CCDC73: variants seen among roughly 807,000 people sequenced by gnomAD.
CCDC73 encodes the protein coiled-coil domain-containing protein 73.
Under a neutral mutation model 116.5 loss-of-function variants are expected in CCDC73, and 95 were observed. The observed-to-expected ratio is 0.82, with a 90% confidence interval of 0.69 to 0.97. CCDC73 has a LOEUF of 0.97. CCDC73 is among the 50% of genes least tolerant of loss of function. The pLI, the probability that CCDC73 is intolerant of heterozygous loss-of-function variation, is 0.00. For missense variants in CCDC73, 1,066 were observed against 1,206.8 expected, an observed-to-expected ratio of 0.88 and a Z score of 1.73; for synonymous variants, 398 against 401.3, an observed-to-expected ratio of 0.99 and a Z score of 0.10.
chr11:32,685,621 G>C (rs553820235), intron 6 of CCDC73, among the ~76,000 whole-genome samples: 1 of 151,852 alleles, frequency 6.6e-6, no homozygotes, highest in African/African-American at 2.4e-5. Context: ...AATCATTGTA[G>C]ACCTCGTTAT....
chr11:32,775,745 G>T (rs1025716416), intron 1 of CCDC73, among the ~76,000 whole-genome samples: 1 of 152,010 alleles, frequency 6.6e-6, no homozygotes, highest in Non-Finnish European at 1.5e-5. Context: ...CTGTTAATAG[G>T]TAGCTATGTT....
chr11:32,819,637 A>T, the CCDC73 span, among the ~76,000 whole-genome samples: 13 of 151,980 alleles, frequency 8.6e-5, no homozygotes, highest in Admixed American at 8.5e-4. Flanking sequence ...TAATTTTTGT[A>T]TTTTGTAGAG....
intron 14 of CCDC73, among the ~76,000 whole-genome samples, chr11:32,629,933 AAC>A (rs1565061079): frequency 2.7e-5 from 4 of 148,732 alleles, no homozygotes; most frequent in Non-Finnish European, 5.9e-5. Context: ...AAAAAAAAAA[AAC>A]AAAAAAAAAA....
intron 2 of CCDC73, among the ~76,000 whole-genome samples, chr11:32,720,787 T>C (rs544323125): frequency 9.2e-5 from 14 of 152,222 alleles, no homozygotes; most frequent in African/African-American, 3.1e-4. Context: ...AAGAGAGTAA[T>C]TATCTCTTGG....
chr11:32,649,756 CTATCCTT>C (rs1173400384), intron 12 of CCDC73, among the ~76,000 whole-genome samples: 1 of 152,114 alleles, frequency 6.6e-6, no homozygotes, highest in African/African-American at 2.4e-5. Context: ...TTATAAAGGA[CTATCCTT>C]TATCCTGAGA....
chr11:32,785,206 T>C (rs1850617505), intron 1 of CCDC73, among the ~76,000 whole-genome samples: 1 of 151,980 alleles, frequency 6.6e-6, no homozygotes, highest in African/African-American at 2.4e-5. Context: ...TAAACTAGAA[T>C]AGACCAGCAA....
At chr11:32,678,702 G>A (rs1291542396) in intron 7 of CCDC73, among the ~76,000 whole-genome samples, 4 of 151,852 alleles carry the variant, frequency 2.6e-5, no homozygotes, top group Non-Finnish European at 5.9e-5. Context: ...TGGCCAACAT[G>A]GTGAAACCTG....
chr11:32,676,103 G>A, intron 7 of CCDC73, 82 bp from the exon 8 acceptor site: 5 of 1,138,318 alleles, frequency 4.4e-6, no homozygotes, highest in Non-Finnish European at 3.6e-6. Context: ...AATATATTGT[G>A]GTAAACCACT....
rs531967562 is a variant in CCDC73, at chr11:32,718,528, T to C, written c.136-381A>G. On this transcript the variant is annotated intron_variant, in intron 2 of 17. Transcript: ENST00000335185. ...TTTGTACTTTCTAGCAGGCTTTTCT[T>C]CTAGGAAACCCACCAGGTGCTTACA... 3.3e-5 allele frequency among the ~76,000 whole-genome samples: 5 copies of C among 152,326 alleles called. No homozygotes were observed. In the East Asian group the frequency reaches 9.7e-4, roughly 29 times the overall value.
chr11:32,718,128 T>C lies in CCDC73; in HGVS notation c.155A>G (p.Glu52Gly). The C allele has an allele frequency of 6.2e-7, 1 of 1,604,792 alleles. No individual in the cohort carries two copies. Among genetic ancestry groups the C allele is most frequent in the Non-Finnish European group, 8.5e-7 (1 of 1,176,600 alleles). The change falls in exon 3 of 18, where the codon GAA becomes GGA. Residue 52 changes from glutamate to glycine, a missense_variant. By Grantham distance (98) the Glu-to-Gly change is moderately conservative (BLOSUM62 -2). Transcript: ENST00000335185. ...CACAATAATTTTACCAATCTGCTCT[T>C]CATAATGAATTTCTGCTTCCTAAGT... ...RMRREAEIHY[E>G]EQIGKIIVET...
chr11:32,706,692 C>T (rs926050635), intron 3 of CCDC73, among the ~76,000 whole-genome samples: 22 of 152,178 alleles, frequency 1.4e-4, no homozygotes, highest in Non-Finnish European at 2.8e-4. Context: ...TAACCTCTCT[C>T]TTGAAGCCAA....
intron 7 of CCDC73, 135 bp downstream of exon 7, chr11:32,683,401 A>G: frequency 1.5e-6 from 1 of 667,070 alleles, no homozygotes; most frequent in Non-Finnish European, 2.7e-6. Flanking sequence ...ATCCCCTTTC[A>G]TATTACTGGA....
chr11:32,735,578 T>C (rs1850121507), intron 2 of CCDC73, among the ~76,000 whole-genome samples: 1 of 152,074 alleles, frequency 6.6e-6, no homozygotes, highest in African/African-American at 2.4e-5. Context: ...AAAATGGCCA[T>C]ACTGCCCAAG....
intron 3 of CCDC73, among the ~76,000 whole-genome samples, chr11:32,710,732 T>C (rs1849893197): frequency 6.6e-6 from 1 of 152,206 alleles, no homozygotes; most frequent in African/African-American, 2.4e-5. Flanking sequence ...AAGTCCATTG[T>C]TTCTTTGTTG....
chr11:32,675,084 A>C (rs941754714), intron 9 of CCDC73, among the ~76,000 whole-genome samples: 2 of 152,136 alleles, frequency 1.3e-5, no homozygotes, highest in Non-Finnish European at 2.9e-5. Context: ...TGATGTCATC[A>C]CATCTTTCAC....
intron 7 of CCDC73, 56 bp from the exon 8 acceptor site, chr11:32,676,077 C>T: frequency 7.2e-7 from 1 of 1,383,714 alleles, no homozygotes; most frequent in South Asian, 1.6e-5. Context: ...CATCGCCACA[C>T]ACAACAAATA....
the CCDC73 span, among the ~76,000 whole-genome samples, chr11:32,813,604 G>T: frequency 1.3e-5 from 2 of 152,150 alleles, no homozygotes; most frequent in African/African-American, 4.8e-5. Context: ...TATATATCAT[G>T]TGAGGACTGA....
intron 2 of CCDC73, among the ~76,000 whole-genome samples, chr11:32,727,390 T>C (rs1008867824): frequency 2.0e-5 from 3 of 152,258 alleles, no homozygotes; most frequent in Non-Finnish European, 4.4e-5. Context: ...TGTTGGGGCA[T>C]AGAATTAAGC....
At chr11:32,721,861 T>G (rs372254194) in intron 2 of CCDC73, among the ~76,000 whole-genome samples, 2 of 152,140 alleles carry the variant, frequency 1.3e-5, no homozygotes, top group East Asian at 3.8e-4. Flanking sequence ...CCTCCCAAAG[T>G]GCTGGGATTA....
Sources: allele counts gnomAD v4.1 joint callset (sites outside exome capture counted in the v4.1 genomes callset), GRCh38; gene constraint gnomAD v4.1.1; transcripts MANE v1.5; gene names NCBI Gene and HGNC (gene_info 2026-07-23, HGNC 2026-07-21).